The following NLRP7 variants were observed in gnomAD, a reference collection of about 807,000 sequenced individuals.
The protein encoded by NLRP7 is NACHT, LRR and PYD domains-containing protein 7.
Under a neutral mutation model 85.5 loss-of-function variants are expected in NLRP7, and 72 were observed. The observed-to-expected ratio is 0.84, with a 90% CI of 0.70 to 1.02. The LOEUF is 1.02. Ranked by LOEUF, NLRP7 falls within the 50% of genes least tolerant of loss-of-function variation. The pLI is 0.00. For synonymous variants in NLRP7, 550 were observed against 505.2 expected (o/e 1.09, Z -1.19); for missense variants, 1,243 against 1,219.5 (o/e 1.02, Z -0.29).
intron 8 of NLRP7, among the ~76,000 whole-genome samples, chr19:54,932,314 G>A (rs955442875): frequency 2.6e-5 from 4 of 151,958 alleles, no homozygotes; most frequent in Admixed American, 2.6e-4. Flanking sequence ...TGTAATCCCA[G>A]CTACTTGGGA....
exon 6 of NLRP7, chr19:54,936,315 A>G: frequency 6.2e-7 from 1 of 1,614,052 alleles, no homozygotes; most frequent in East Asian, 2.2e-5. Flanking sequence ...CAGCATCAGC[A>G]TCATCGTGCG....
In NLRP7 at chr19:54,934,408, G is replaced by A. The variant is rs576770619; in HGVS notation, c.2471+81C>T. The A allele has an allele frequency of 2.2e-5, 30 of 1,384,744 alleles. No homozygotes were observed. Among genetic ancestry groups the A allele is most frequent in the African/African-American group, 2.2e-4 (15 of 69,238 alleles). 85.8% of individuals were successfully genotyped at this position (1,384,744 alleles called of 1,614,324 possible). On this transcript the variant is annotated intron_variant, in intron 7 of 9. Transcript: ENST00000340844. The surrounding 1 kb of genome is among the most constrained non-coding windows in gnomAD (Gnocchi z 6.7). ...TTCAGCAAGAGGCGCCACGTGGGTG[G>A]CGCAGTAAGTCAGGTGTTACCCTTT...
chr19:54,932,823 T>C (rs1217592761), intron 8 of NLRP7, among the ~76,000 whole-genome samples: 1 of 152,038 alleles, frequency 6.6e-6, no homozygotes. Context: ...GCCTGGTTAA[T>C]TTTTGTATTT....
chr19:54,934,645 C>A lies in NLRP7; in HGVS notation c.2315G>T (p.Cys772Phe). ...TTCAGCCCACTGCTCCGGGGTGGCA[C>A]AGTGACCTCCCAACCTGTGAAAAGA... Residue 772 changes from cysteine to phenylalanine, a missense_variant, in exon 7 of 10, where the codon TGT becomes TTT. Cys to Phe is a radical substitution (Grantham distance 205). This residue lies in a region of NLRP7 where 613 missense variants were observed against 588.4 expected (regional missense o/e 1.04). Coordinates refer to ENST00000340844, the Ensembl canonical transcript of NLRP7. This position sits in a 1 kb window ranked among gnomAD's most constrained non-coding sequence, Gnocchi z 6.7. The A allele has an allele frequency of 6.2e-7, 1 of 1,613,386 alleles. No individual in the cohort carries two copies. The highest frequency in any genetic ancestry group is 8.5e-7 in the Non-Finnish European group (1 of 1,179,796).
In NLRP7 at chr19:54,927,935, T is replaced by C. The variant is rs532565078; in HGVS notation, c.2810+2564A>G. Among the ~76,000 whole-genome samples the C allele has an allele frequency of 3.9e-3, 589 of 152,074 alleles. 7 individuals are homozygous for C. Among genetic ancestry groups the C allele is most frequent in the African/African-American group, 0.014 (568 of 41,498 alleles). Reference sequence around the variant, plus strand: ...GGTCAAACCCCATCTCTACTAAAAATACAAAGATTAGGCAGGGCGTGGGGA... The same window carrying C: ...GGTCAAACCCCATCTCTACTAAAAACACAAAGATTAGGCAGGGCGTGGGGA... On this transcript the variant is annotated intron_variant, in intron 9 of 9. Transcript: ENST00000340844.
intron 1 of NLRP7, among the ~76,000 whole-genome samples, chr19:54,963,605 C>G (rs2070147618): frequency 6.6e-6 from 1 of 151,968 alleles, no homozygotes; most frequent in South Asian, 2.1e-4. Context: ...GAGCAGATTA[C>G]CTGAGGTTGG....
intron 1 of NLRP7, among the ~76,000 whole-genome samples, chr19:54,956,116 G>A (rs938596252): frequency 2.6e-5 from 4 of 151,116 alleles, no homozygotes; most frequent in Non-Finnish European, 4.4e-5. Flanking sequence ...CTCCAGCCTG[G>A]GCAACAGAGG....
chr19:54,932,384 C>T (rs1238678341), intron 8 of NLRP7, among the ~76,000 whole-genome samples: 1 of 151,248 alleles, frequency 6.6e-6, no homozygotes. Flanking sequence ...GCCAAGATTA[C>T]ACCACTGCAT....
upstream of NLRP7, chr19:54,947,829 T>G (rs2069541487): frequency 6.6e-6 from 2 of 303,164 alleles, no homozygotes. Context: ...GCAGGGTACC[T>G]GGCTCCCAGC....
intron 9 of NLRP7, among the ~76,000 whole-genome samples, chr19:54,926,977 C>T (rs2068470427): frequency 6.6e-6 from 1 of 150,706 alleles, no homozygotes; most frequent in Non-Finnish European, 1.5e-5. Context: ...GTAATCCCAG[C>T]TACTCAGGAG....
chr19:54,947,635 A>G, upstream of NLRP7: 1 of 1,289,488 alleles, frequency 7.8e-7, no homozygotes, highest in South Asian at 1.2e-5. Context: ...CACTGACCTC[A>G]GGCTCACCTT....
chr19:54,951,837 G>A (rs1360902081), upstream of NLRP7, among the ~76,000 whole-genome samples: 4 of 151,534 alleles, frequency 2.6e-5, no homozygotes, highest in East Asian at 2.0e-4. Context: ...TGCAAGCTCC[G>A]CCTCCCGGGT....
upstream of NLRP7, chr19:54,947,868 T>A: frequency 4.2e-6 from 1 of 235,586 alleles, no homozygotes; most frequent in South Asian, 4.6e-5. Context: ...GAAAAAAAAT[T>A]AAACAAAAAT....
chr19:54,941,980 A>T (rs2069248251), intron 1 of NLRP7, among the ~76,000 whole-genome samples: 1 of 152,046 alleles, frequency 6.6e-6, no homozygotes, highest in Admixed American at 6.6e-5. Context: ...AAGGCTGGGC[A>T]CGGTGGCTCA....
exon 4 of NLRP7, chr19:54,938,952 G>T (rs1397257785): frequency 6.2e-7 from 1 of 1,613,968 alleles, no homozygotes; most frequent in South Asian, 1.1e-5. Context: ...TTTGCTACCT[G>T]CAGTGAGAGT....
Position 54,963,542 on chromosome 19 carries a change from G to A in NLRP7, c.-77+2498C>T, listed in dbSNP as rs34380355. 8.5e-3 allele frequency among the ~76,000 whole-genome samples: 1,297 copies of A among 151,922 alleles called. 10 individuals carry two copies. The highest frequency in any genetic ancestry group is 0.012 in the Non-Finnish European group (798 of 67,956). On this transcript the variant is annotated intron_variant, in intron 1 of 2. Transcript: ENST00000587103. ...ATCTCTACTAAAAATACAAAAAAAAGGCTAGGCGCAGTGGCTCATGCCTGT... is the reference window on the plus strand; with the variant it reads ...ATCTCTACTAAAAATACAAAAAAAAAGCTAGGCGCAGTGGCTCATGCCTGT...
rs191172996 is a variant in NLRP7 at position 54,958,646 on chromosome 19, A to G, written c.-77+7394T>C. Among the ~76,000 whole-genome samples, 79 of 121,986 alleles carry G rather than the reference A, an allele frequency of 6.5e-4. No individual in the cohort carries two copies. In the East Asian group the frequency reaches 0.01, roughly 16 times the overall value. 80.0% of individuals were successfully genotyped at this position (121,986 alleles called of 152,430 possible). On this transcript the variant is annotated intron_variant, in intron 1 of 2. Coordinates refer to the NLRP7 transcript ENST00000587103. ...AGGGACAGAGTGAGACTCTGTCTCA[A>G]ATAATAATAATAATAATAACTAGTG...
At chr19:54,938,817 CAGTA>C (rs2069061049) in intron 4 of NLRP7, 67 bp downstream of exon 4, 40 of 1,538,172 alleles carry the variant, frequency 2.6e-5, no homozygotes, top group Non-Finnish European at 3.6e-5. Context: ...GAAATTCTGA[CAGTA>C]AGCGACAGGG....
chr19:54,959,995 T>C (rs1409765907), intron 1 of NLRP7, among the ~76,000 whole-genome samples: 1 of 151,884 alleles, frequency 6.6e-6, no homozygotes, highest in East Asian at 1.9e-4. Flanking sequence ...TGTTGAATTG[T>C]TTTTGAATTG....
Sources: gnomAD v4.1 joint callset for allele counts (sites outside exome capture counted in the v4.1 genomes callset) on GRCh38, gnomAD v4.1.1 for gene constraint, gnomAD v4.1.1 regional missense constraint, Gnocchi (gnomAD v3.1) non-coding constraint, MANE v1.5 for transcripts, NCBI Gene and HGNC (gene_info 2026-07-23, HGNC 2026-07-21) for gene names.